The following ZCCHC7 variants were observed in gnomAD, a reference collection of about 807,000 sequenced individuals.
The protein encoded by ZCCHC7 is zinc finger CCHC-type containing 7.
A neutral mutation model predicts 52.0 loss-of-function variants in ZCCHC7; 35 were observed. That is an observed-to-expected ratio of 0.67 (90% CI 0.51 to 0.89). The LOEUF (loss-of-function observed/expected upper bound fraction) is 0.89. Ranked by LOEUF, ZCCHC7 falls within the 40% of genes least tolerant of loss-of-function variation. The probability of loss-of-function intolerance (pLI) is 0.00; values close to 1 mark genes in which losing one functional copy is unlikely to be tolerated. For missense variants in ZCCHC7, 574 were observed against 649.1 expected, an observed-to-expected ratio of 0.88 and a Z score of 1.26; for synonymous variants, 217 against 221.5, an observed-to-expected ratio of 0.98 and a Z score of 0.18.
intron 2 of ZCCHC7, among the ~76,000 whole-genome samples, chr9:37,235,196 A>C (rs913498487): frequency 6.6e-6 from 1 of 152,198 alleles, no homozygotes. Context: ...GTGCAACAGA[A>C]AACTAGAACT....
At chr9:37,181,031 A>T (rs1210411609) in intron 2 of ZCCHC7, among the ~76,000 whole-genome samples, 1 of 152,158 alleles carries the variant, frequency 6.6e-6, no homozygotes, top group Non-Finnish European at 1.5e-5. Context: ...GTTAAAATAC[A>T]TTTTTGGTAT....
chr9:37,173,686 G>A (rs1188060550), intron 2 of ZCCHC7, among the ~76,000 whole-genome samples: 2 of 152,066 alleles, frequency 1.3e-5, no homozygotes, highest in African/African-American at 4.8e-5. Context: ...TCTTTTATGT[G>A]TTCGATTTGT....
chr9:37,354,697 A>C lies in ZCCHC7; in HGVS notation c.1084-13A>C, dbSNP rs752426466. 3.8e-6 allele frequency: 6 copies of C among 1,577,372 alleles called. No homozygotes were observed. The African/African-American group carries it at 8.1e-5, about 21-fold the overall frequency. ...TGACCATGTGACATCATAATTTTAC[A>C]TACAATTTATAGGAATGTCCAGAAA... On this transcript the variant is annotated splice_polypyrimidine_tract_variant and intron_variant, in intron 7 of 8. Coordinates refer to ENST00000336755, the MANE Select transcript of ZCCHC7 (RefSeq NM_032226.3). The surrounding 1 kb of genome is among the most constrained non-coding windows in gnomAD (Gnocchi z 4.0).
At chr9:37,232,641 GA>G (rs1345568347) in intron 2 of ZCCHC7, among the ~76,000 whole-genome samples, 1 of 152,140 alleles carries the variant, frequency 6.6e-6, no homozygotes, top group Non-Finnish European at 1.5e-5. Context: ...AAAATTCTAT[GA>G]AATTCAAATT....
Position 37,222,328 on chromosome 9 carries a change from AGTGTGTGTGT to A in ZCCHC7, c.611-79819_611-79810del, listed in dbSNP as rs74182938. On this transcript the variant is annotated intron_variant, in intron 2 of 8. Transcript: ENST00000336755. ...AGGGATAAACAGACCAGAATAACAG[AGTGTGTGTGT>A]GTGTGTGTGTGTGTGTGTGTGTGTG... Among the ~76,000 whole-genome samples, 1,171 of 133,068 alleles carry A rather than the reference AGTGTGTGTGT, an allele frequency of 8.8e-3. 12 individuals are homozygous for A. The highest frequency in any genetic ancestry group is 0.017 in the South Asian group (66 of 3,826). 87.3% of individuals were successfully genotyped at this position (133,068 alleles called of 152,430 possible).
chr9:37,136,420 T>C (rs1842999264), intron 2 of ZCCHC7, among the ~76,000 whole-genome samples: 1 of 152,182 alleles, frequency 6.6e-6, no homozygotes, highest in Non-Finnish European at 1.5e-5. Flanking sequence ...GTTGTTGTTG[T>C]TGTTTTTCAG....
At chr9:37,237,233 A>G (rs779165090) in intron 2 of ZCCHC7, among the ~76,000 whole-genome samples, 32 of 152,218 alleles carry the variant, frequency 2.1e-4, no homozygotes, top group Non-Finnish European at 3.7e-4. Context: ...CCTTGAGTGA[A>G]CATATTCCAT....
intron 2 of ZCCHC7, among the ~76,000 whole-genome samples, chr9:37,267,222 C>T (rs181226053): frequency 7.2e-5 from 11 of 152,268 alleles, no homozygotes; most frequent in African/African-American, 2.6e-4. Context: ...AGAGACAGAA[C>T]TAAGGATTAA....
chr9:37,193,073 A>G (rs1479140727), intron 2 of ZCCHC7, among the ~76,000 whole-genome samples: 1 of 152,180 alleles, frequency 6.6e-6, no homozygotes, highest in Non-Finnish European at 1.5e-5. Context: ...AATAGAAATG[A>G]AAGTTTATTT....
chr9:37,357,723 A>G lies in ZCCHC7; in HGVS notation c.*455A>G, dbSNP rs1200830630. The G allele has an allele frequency of 8.2e-5, 12 of 147,044 alleles. No homozygotes were observed. The highest frequency in any genetic ancestry group is 3.0e-4 in the African/African-American group (12 of 39,612). The allele number at this position is 147,044 out of a possible 1,614,324, so 9.1% of individuals were successfully genotyped here. Reference sequence around the variant, plus strand: ...GAAAGGACAATAACTATAAACCTATATCCAGATTTTCTTTCTGCTGAAGCT... The same window carrying G: ...GAAAGGACAATAACTATAAACCTATGTCCAGATTTTCTTTCTGCTGAAGCT... On this transcript the variant is annotated 3_prime_UTR_variant, in exon 9 of 9. Transcript: ENST00000336755.
intron 2 of ZCCHC7, among the ~76,000 whole-genome samples, chr9:37,169,072 T>G (rs376782758): frequency 6.6e-6 from 1 of 152,214 alleles, no homozygotes; most frequent in Non-Finnish European, 1.5e-5. Context: ...GTTACTGATA[T>G]TGTGTTAAGC....
intron 2 of ZCCHC7, among the ~76,000 whole-genome samples, chr9:37,234,076 GT>G: frequency 6.6e-6 from 1 of 151,834 alleles, no homozygotes; most frequent in East Asian, 1.9e-4. Context: ...GTTTCACTAT[GT>G]TGGCCAGGCT....
chr9:37,217,326 T>C (rs1824556930), intron 2 of ZCCHC7, among the ~76,000 whole-genome samples: 2 of 152,208 alleles, frequency 1.3e-5, no homozygotes, highest in African/African-American at 4.8e-5. Context: ...GCAAGCACTG[T>C]GTCTATAAGC....
chr9:37,212,070 A>AAAAAAAAAATT (rs1824267161), intron 2 of ZCCHC7, among the ~76,000 whole-genome samples: 3 of 138,634 alleles, frequency 2.2e-5, no homozygotes, highest in Non-Finnish European at 3.1e-5. Flanking sequence ...AAAAAAGAAA[A>AAAAAAAAAATT]TCTTTGGCAA....
chr9:37,326,823 A>C (rs1409457415), intron 5 of ZCCHC7: 2 of 152,068 alleles, frequency 1.3e-5, no homozygotes, highest in Admixed American at 6.6e-5. Context: ...AGAAAGTCTT[A>C]CTCTAATTTT....
chr9:37,350,183 C>G (rs946454981), intron 7 of ZCCHC7, among the ~76,000 whole-genome samples: 1 of 145,070 alleles, frequency 6.9e-6, no homozygotes, highest in Non-Finnish European at 1.5e-5. Context: ...AGCTGGAGTG[C>G]AATGACACGA....
intron 2 of ZCCHC7, among the ~76,000 whole-genome samples, chr9:37,226,782 G>A (rs539139675): frequency 6.6e-6 from 1 of 152,282 alleles, no homozygotes; most frequent in South Asian, 2.1e-4. Flanking sequence ...TGTAATCCCA[G>A]CACTTTGAGA....
At chr9:37,122,071 GATTTA>G (rs1328377577) in intron 1 of ZCCHC7, among the ~76,000 whole-genome samples, 1 of 152,190 alleles carries the variant, frequency 6.6e-6, no homozygotes, top group African/African-American at 2.4e-5. Context: ...CTGTGGATTT[GATTTA>G]AATCGGCCGG....
chr9:37,169,900 T>C (rs955115992), intron 2 of ZCCHC7, among the ~76,000 whole-genome samples: 160 of 152,060 alleles, frequency 1.1e-3, no homozygotes, highest in African/African-American at 3.7e-3. Flanking sequence ...ACCATGTCTC[T>C]ACAAAAAATA....
Sources: allele counts gnomAD v4.1 joint callset (sites outside exome capture counted in the v4.1 genomes callset), GRCh38; gene constraint gnomAD v4.1.1; non-coding constraint Gnocchi (gnomAD v3.1); transcripts MANE v1.5; gene names NCBI Gene and HGNC (gene_info 2026-07-23, HGNC 2026-07-21).